QRFPR: variants seen among roughly 807,000 people sequenced by gnomAD.
The protein encoded by QRFPR is pyroglutamylated RFamide peptide receptor.
In QRFPR, 37 loss-of-function variants were observed where a neutral mutation model predicts 31.3. That is an observed-to-expected ratio of 1.18 (90% confidence interval 0.91 to 1.56). The LOEUF is 1.56. QRFPR is among the 40% of genes most tolerant of loss of function. The pLI is 0.00. For synonymous variants in QRFPR, 197 were observed against 192.0 expected (o/e 1.03, Z -0.22); for missense variants, 542 against 532.5 (o/e 1.02, Z -0.18).
Position 121,365,209 on chromosome 4 carries a change from A to G in QRFPR, c.340+15099T>C, listed in dbSNP as rs79663809. Among the ~76,000 whole-genome samples, 1,122 of 148,206 alleles carry G rather than the reference A, an allele frequency of 7.6e-3. 83 individuals carry two copies. Among genetic ancestry groups the G allele is most frequent in the Admixed American group, 0.047 (693 of 14,792 alleles). ...ACAACACAAAAAAGGAATATAACTG[A>G]TTCCTAAAAAGCTGTGGGCGGATCA... On this transcript the variant is annotated intron_variant, in intron 1 of 5. Coordinates refer to ENST00000394427, the MANE Select transcript of QRFPR (RefSeq NM_198179.3).
In QRFPR at chr4:121,348,373, CA is replaced by C. The variant is rs766809964; in HGVS notation, c.341-7764del. Among the ~76,000 whole-genome samples, 17 of 152,266 alleles carry C rather than the reference CA, an allele frequency of 1.1e-4. No homozygotes were observed. In the South Asian group the frequency reaches 3.3e-3, roughly 30 times the overall value. On this transcript the variant is annotated intron_variant, in intron 1 of 5. Transcript: ENST00000394427. ...TTTACTATTACATATCAACTTTTAA[CA>C]TCACATATATTCTGCTTGGGATCAA...
rs187624026 is a variant in QRFPR at position 121,371,173 on chromosome 4, G to A, written c.340+9135C>T. Among the ~76,000 whole-genome samples, 6 of 152,250 alleles carry A rather than the reference G, an allele frequency of 3.9e-5. No individual in the cohort carries two copies. The East Asian group carries it at 1.2e-3, about 29-fold the overall frequency. On this transcript the variant is annotated intron_variant, in intron 1 of 5. Coordinates refer to ENST00000394427, the MANE Select transcript of QRFPR (RefSeq NM_198179.3). ...TGTCTTTTAAGATTTCTATTACCCT[G>A]AATAGCCTACAATCTCTCTGATATG...
intron 1 of QRFPR, among the ~76,000 whole-genome samples, chr4:121,365,509 A>T (rs963013418): frequency 0.025 from 78 of 3,112 alleles, 14 homozygotes; most frequent in African/African-American, 0.18. Context: ...TAATATATAT[A>T]ATATATATTA....
chr4:121,371,766 C>A (rs1477899517), intron 1 of QRFPR, among the ~76,000 whole-genome samples: 2 of 152,216 alleles, frequency 1.3e-5, no homozygotes, highest in Non-Finnish European at 2.9e-5. Context: ...TATGGAAGAA[C>A]TTCATGCTAA....
intron 1 of QRFPR, among the ~76,000 whole-genome samples, chr4:121,377,441 C>T (rs1447756055): frequency 6.6e-6 from 1 of 150,428 alleles, no homozygotes; most frequent in Non-Finnish European, 1.5e-5. Context: ...CCCAGTTGCA[C>T]TACTTTTCTG....
intron 2 of QRFPR, among the ~76,000 whole-genome samples, chr4:121,339,919 C>T (rs903855173): frequency 6.6e-6 from 1 of 151,882 alleles, no homozygotes; most frequent in Non-Finnish European, 1.5e-5. Flanking sequence ...CACACCACTG[C>T]ACTCCAGCCT....
intron 2 of QRFPR, among the ~76,000 whole-genome samples, chr4:121,337,521 A>C (rs1457328075): frequency 6.6e-6 from 1 of 152,176 alleles, no homozygotes; most frequent in Non-Finnish European, 1.5e-5. Context: ...GTCCTAGGAA[A>C]ATTCCTGGCC....
chr4:121,357,358 G>A (rs751108980), intron 1 of QRFPR, among the ~76,000 whole-genome samples: 9 of 152,050 alleles, frequency 5.9e-5, no homozygotes, highest in South Asian at 2.1e-4. Context: ...AGAACGTAGG[G>A]GGTGGAAAGG....
chr4:121,346,078 A>C (rs991726629), intron 1 of QRFPR, among the ~76,000 whole-genome samples: 2 of 152,212 alleles, frequency 1.3e-5, no homozygotes, highest in Admixed American at 1.3e-4. Flanking sequence ...AATTTGTTCC[A>C]AGGTTGTTGA....
chr4:121,365,574 A>AT (rs1726100230), intron 1 of QRFPR, among the ~76,000 whole-genome samples: 17 of 19,638 alleles, frequency 8.7e-4, no homozygotes, highest in East Asian at 2.2e-3. Flanking sequence ...ATTATATATA[A>AT]TATATATTAT....
At chr4:121,373,237 G>T (rs1257450664) in intron 1 of QRFPR, among the ~76,000 whole-genome samples, 1 of 152,118 alleles carries the variant, frequency 6.6e-6, no homozygotes, top group African/African-American at 2.4e-5. Flanking sequence ...CTAAATCCTT[G>T]TCATTATTTT....
intron 1 of QRFPR, among the ~76,000 whole-genome samples, chr4:121,377,682 G>A (rs1295774370): frequency 3.3e-5 from 5 of 152,038 alleles, no homozygotes; most frequent in East Asian, 3.9e-4. Context: ...TTCTGTGCTC[G>A]TAGAGCAAAG....
chr4:121,374,888 G>T (rs1338347834), intron 1 of QRFPR, among the ~76,000 whole-genome samples: 1 of 152,078 alleles, frequency 6.6e-6, no homozygotes, highest in Admixed American at 6.5e-5. Flanking sequence ...TAGTCAATTT[G>T]CCAGCCACTG....
intron 4 of QRFPR, among the ~76,000 whole-genome samples, chr4:121,331,221 G>A (rs1725318607): frequency 8.2e-6 from 1 of 122,176 alleles, no homozygotes; most frequent in African/African-American, 3.2e-5. Context: ...GTCTTACTCG[G>A]TTGCCCAGGC....
chr4:121,373,840 T>A (rs889175313), intron 1 of QRFPR, among the ~76,000 whole-genome samples: 1 of 152,214 alleles, frequency 6.6e-6, no homozygotes, highest in Non-Finnish European at 1.5e-5. Flanking sequence ...TAACATTTCA[T>A]GTTGTGTACA....
At chr4:121,336,294 G>A (rs1725435300) in intron 3 of QRFPR, among the ~76,000 whole-genome samples, 1 of 152,176 alleles carries the variant, frequency 6.6e-6, no homozygotes, top group Non-Finnish European at 1.5e-5. Flanking sequence ...GGCTGGGCCT[G>A]TCTGACAAAG....
chr4:121,337,370 A>C (rs769201046), intron 2 of QRFPR, among the ~76,000 whole-genome samples: 2 of 152,204 alleles, frequency 1.3e-5, no homozygotes, highest in Non-Finnish European at 2.9e-5. Context: ...CTATTTCCAA[A>C]TAAACTGACT....
chr4:121,354,592 G>GA (rs1025888112), intron 1 of QRFPR, among the ~76,000 whole-genome samples: 4 of 151,730 alleles, frequency 2.6e-5, no homozygotes, highest in African/African-American at 9.7e-5. Context: ...GTTCTATGTT[G>GA]AAAAAAAGAG....
Position 121,350,711 on chromosome 4 carries a change from A to G in QRFPR, c.341-10101T>C, listed in dbSNP as rs72917738. Among the ~76,000 whole-genome samples, 868 of 152,184 alleles carry G rather than the reference A, an allele frequency of 5.7e-3. 11 individuals are homozygous for G. Among genetic ancestry groups the G allele is most frequent in the African/African-American group, 0.02 (836 of 41,530 alleles). On this transcript the variant is annotated intron_variant, in intron 1 of 5. Transcript: ENST00000394427. ...TAGCTTGATACTTTTCCTATATATC[A>G]TTTTTCTTATAATATTAGATTATTG...
Sources: allele counts gnomAD v4.1 joint callset (sites outside exome capture counted in the v4.1 genomes callset), GRCh38; gene constraint gnomAD v4.1.1; transcripts MANE v1.5; gene names NCBI Gene and HGNC (gene_info 2026-07-23, HGNC 2026-07-21).